Variants in NPAS3 observed in about 807,000 individuals in gnomAD.
NPAS3 encodes the protein neuronal PAS domain protein 3, also known as neuronal PAS domain-containing protein 3.
Under a neutral mutation model 73.1 loss-of-function variants are expected in NPAS3, and 14 were observed. The ratio of observed to expected loss-of-function variants is 0.19; its 90% confidence interval spans 0.13 to 0.30. NPAS3 has a LOEUF of 0.30. Among genes scored for constraint, NPAS3 ranks in the 10% least tolerant of loss-of-function variants. NPAS3 has a pLI of 1.00. For synonymous variants in NPAS3, 620 were observed against 541.5 expected (o/e 1.14, Z -2.01); for missense variants, 1,096 against 1,250.0 (o/e 0.88, Z 1.86).
chr14:33,012,754 T>C (rs899751564), intron 1 of NPAS3, among the ~76,000 whole-genome samples: 9 of 152,086 alleles, frequency 5.9e-5, no homozygotes, highest in Non-Finnish European at 7.4e-5. Flanking sequence ...TTCACTGTGT[T>C]CCCCAGGCTG....
chr14:33,474,423 A>T (rs995379109), intron 4 of NPAS3, among the ~76,000 whole-genome samples: 1 of 152,176 alleles, frequency 6.6e-6, no homozygotes, highest in African/African-American at 2.4e-5. Context: ...CATACAAAAC[A>T]TATGTGTTAC....
intron 2 of NPAS3, among the ~76,000 whole-genome samples, chr14:33,121,219 A>G (rs1240999011): frequency 1.3e-5 from 2 of 152,082 alleles, no homozygotes; most frequent in Non-Finnish European, 2.9e-5. Context: ...TGGCCTTGCG[A>G]TGCTACTTCC....
chr14:33,246,106 G>T (rs1009261760), intron 3 of NPAS3, among the ~76,000 whole-genome samples: 1 of 152,006 alleles, frequency 6.6e-6, no homozygotes, highest in Non-Finnish European at 1.5e-5. Flanking sequence ...GTAACCTCGG[G>T]TAAGTTTATG....
intron 4 of NPAS3, among the ~76,000 whole-genome samples, chr14:33,425,636 A>G (rs1184259994): frequency 1.3e-5 from 2 of 151,836 alleles, no homozygotes; most frequent in African/African-American, 4.8e-5. Context: ...CTTCATTTAA[A>G]GCAAAAACAA....
At chr14:33,333,831 A>G (rs572818640) in intron 3 of NPAS3, among the ~76,000 whole-genome samples, 1 of 152,292 alleles carries the variant, frequency 6.6e-6, no homozygotes, top group African/African-American at 2.4e-5. Flanking sequence ...CTTCAAGTCC[A>G]TTTTATTGAA....
chr14:33,213,935 G>A (rs2047127633), intron 2 of NPAS3: 1 of 152,140 alleles, frequency 6.6e-6, no homozygotes, highest in Non-Finnish European at 1.5e-5. Context: ...ATCCTATAAT[G>A]TAATAGGGAA....
intron 2 of NPAS3, among the ~76,000 whole-genome samples, chr14:33,087,651 G>T (rs2042082776): frequency 6.6e-6 from 1 of 152,166 alleles, no homozygotes; most frequent in South Asian, 2.1e-4. Flanking sequence ...GCCAGTCATG[G>T]TTGGGGGAGA....
intron 4 of NPAS3, among the ~76,000 whole-genome samples, chr14:33,505,139 T>C (rs2052696083): frequency 6.6e-6 from 1 of 152,020 alleles, no homozygotes; most frequent in South Asian, 2.1e-4. Context: ...ATTCTCAGTA[T>C]TTTTGGCAAA....
At chr14:33,784,038 A>G (rs998486937) in intron 9 of NPAS3, among the ~76,000 whole-genome samples, 1 of 152,246 alleles carries the variant, frequency 6.6e-6, no homozygotes, top group African/African-American at 2.4e-5. Flanking sequence ...CAATGAAACA[A>G]GAATAGGATT....
intron 6 of NPAS3, among the ~76,000 whole-genome samples, chr14:33,696,063 T>G (rs552277269): frequency 1.3e-5 from 2 of 152,336 alleles, no homozygotes; most frequent in East Asian, 3.9e-4. Flanking sequence ...ATGTCATGAT[T>G]AGAGTACCAA....
At chr14:33,062,587 G>A (rs776921213) in intron 2 of NPAS3, among the ~76,000 whole-genome samples, 1 of 152,214 alleles carries the variant, frequency 6.6e-6, no homozygotes, top group Admixed American at 6.5e-5. Context: ...TTTTCATTAT[G>A]AGAGAAGTGA....
intron 9 of NPAS3, among the ~76,000 whole-genome samples, chr14:33,784,729 A>ATT (rs1342325354): frequency 1.0e-4 from 9 of 90,184 alleles, no homozygotes; most frequent in African/African-American, 2.2e-4. Context: ...ATTTTTATTT[A>ATT]TTTATTTATT....
chr14:33,629,169 A>C (rs1048817638), intron 5 of NPAS3, among the ~76,000 whole-genome samples: 5 of 150,404 alleles, frequency 3.3e-5, no homozygotes, highest in Admixed American at 6.7e-5. Context: ...CCGGAGGCGA[A>C]GTTTGCAGTG....
At chr14:33,464,261 T>C (rs992310479) in intron 4 of NPAS3, among the ~76,000 whole-genome samples, 1 of 152,222 alleles carries the variant, frequency 6.6e-6, no homozygotes, top group Non-Finnish European at 1.5e-5. Flanking sequence ...TGTGGGACTC[T>C]CTAGTGAAGC....
At chr14:33,689,117 C>G (rs1370559750) in intron 6 of NPAS3, among the ~76,000 whole-genome samples, 1 of 152,202 alleles carries the variant, frequency 6.6e-6, no homozygotes, top group East Asian at 1.9e-4. Context: ...GGCCTTAGAA[C>G]AAGACAGCCC....
intron 2 of NPAS3, among the ~76,000 whole-genome samples, chr14:33,192,559 T>C (rs1359091496): frequency 1.3e-5 from 2 of 152,148 alleles, no homozygotes; most frequent in Admixed American, 1.3e-4. Flanking sequence ...ATGGAGTGAG[T>C]GGTGATGCTG....
Position 33,049,086 on chromosome 14 carries a change from T to C in NPAS3, c.51-6819T>C, listed in dbSNP as rs1010449907. On this transcript the variant is annotated intron_variant, in intron 1 of 11. Coordinates refer to ENST00000356141, the Ensembl canonical transcript of NPAS3. ...TATAATTTCTGAGTCTAGTAGTGTC[T>C]GTAGGTTTCATGAATATAGAGCTAT... Among the ~76,000 whole-genome samples the C allele has an allele frequency of 2.6e-5, 4 of 152,232 alleles. No homozygotes were observed. The South Asian group carries it at 6.2e-4, about 24-fold the overall frequency.
At chr14:33,407,085 C>T (rs2047700351) in intron 4 of NPAS3, among the ~76,000 whole-genome samples, 1 of 152,128 alleles carries the variant, frequency 6.6e-6, no homozygotes. Flanking sequence ...TACAAATTAT[C>T]TGTGGTTGCT....
chr14:33,059,203 A>G (rs2041000045), intron 2 of NPAS3, among the ~76,000 whole-genome samples: 1 of 152,186 alleles, frequency 6.6e-6, no homozygotes, highest in South Asian at 2.1e-4. Flanking sequence ...CTATAATTCT[A>G]TGGTTTTATA....
Sources: allele counts gnomAD v4.1 joint callset (sites outside exome capture counted in the v4.1 genomes callset), GRCh38; gene constraint gnomAD v4.1.1; transcripts MANE v1.5; gene names NCBI Gene and HGNC (gene_info 2026-07-23, HGNC 2026-07-21).